Variants in DNAH9 observed in about 807,000 individuals in gnomAD.
DNAH9 encodes the protein DNAH9 variant protein.
A neutral mutation model predicts 471.6 loss-of-function variants in DNAH9; 345 were observed. The observed-to-expected ratio is 0.73, with a 90% CI of 0.67 to 0.80. The LOEUF (loss-of-function observed/expected upper bound fraction) is 0.80, where lower values mean the gene tolerates loss of function less well. Among genes scored for constraint, DNAH9 ranks in the 30% least tolerant of loss-of-function variants. The probability of loss-of-function intolerance (pLI) is 0.00; values close to 1 mark genes in which losing one functional copy is unlikely to be tolerated. For missense variants in DNAH9, 5,407 were observed against 5,609.2 expected (o/e 0.96, Z 1.15); for synonymous variants, 2,093 against 2,123.6 (o/e 0.99, Z 0.40).
chr17:11,725,144 C>T (rs2075130046), intron 27 of DNAH9, among the ~76,000 whole-genome samples: 2 of 152,158 alleles, frequency 1.3e-5, no homozygotes, highest in African/African-American at 2.4e-5. Context: ...GCTTTGCTTA[C>T]TCACCTGCTG....
chr17:11,786,396 G>C (rs1029048468), intron 41 of DNAH9, among the ~76,000 whole-genome samples: 1 of 152,126 alleles, frequency 6.6e-6, no homozygotes, highest in African/African-American at 2.4e-5. Context: ...CAGTGGGAAC[G>C]ACGAGTGATA....
chr17:11,932,037 G>C lies in DNAH9; in HGVS notation c.12129G>C (p.Arg4043=). ...AGGACACTCTGGAGATGTGTTCTCGGGAGACGGAGTTTAAGAGCATCCTCT... is the reference window on the plus strand; with the variant it reads ...AGGACACTCTGGAGATGTGTTCTCGCGAGACGGAGTTTAAGAGCATCCTCT... The part of the protein sequence containing the change: ...FTQDTLEMCS[R]ETEFKSILFA... The change falls in exon 64 of 69, where the codon CGG becomes CGC. Residue 4043 remains arginine (R), a synonymous_variant. Coordinates refer to ENST00000262442, the MANE Select transcript of DNAH9 (RefSeq NM_001372.4). The surrounding 1 kb of genome is among the most constrained non-coding windows in gnomAD (Gnocchi z 4.3). The C allele has an allele frequency of 6.2e-7, 1 of 1,614,156 alleles. No homozygotes were observed. Among genetic ancestry groups the C allele is most frequent in the Non-Finnish European group, 8.5e-7 (1 of 1,180,028 alleles).
At chr17:11,632,488 G>A in intron 7 of DNAH9, 99 bp from the exon 8 acceptor site, 1 of 678,376 alleles carries the variant, frequency 1.5e-6, no homozygotes, top group Admixed American at 2.2e-5. Context: ...TAATTCTTTG[G>A]TATAACCAGT....
chr17:11,874,972 C>G lies in DNAH9; in HGVS notation c.10266C>G (p.Ala3422=). 1 of 1,614,018 alleles carries G rather than the reference C, an allele frequency of 6.2e-7. No homozygotes were observed. Among genetic ancestry groups the G allele is most frequent in the Non-Finnish European group, 8.5e-7 (1 of 1,179,958 alleles). The stretch of plus-strand genomic sequence containing the variant: ...AGACTCCCATTCCAGTCACCCCAGC[C>G]CTGGATCCCCTGAGGATGCTGATGG... ...QLKTPIPVTP[A]LDPLRMLMDD... is the part of the protein sequence containing the mutation. Residue 3422 remains alanine, a synonymous_variant, in exon 53 of 69, where the codon GCC becomes GCG. Transcript: ENST00000262442.
chr17:11,891,878 G>A lies in DNAH9; in HGVS notation c.11214G>A (p.Val3738=), dbSNP rs779701419. 1.2e-5 allele frequency: 20 copies of A among 1,614,136 alleles called. No homozygotes were observed. Among genetic ancestry groups the A allele is most frequent in the Admixed American group, 1.7e-5 (1 of 60,024 alleles). ...TAATAGACAGCATAACCTTCTCTGT[G>A]TACCAGTACACCATCCGCGGGCTCT... is the stretch of plus-strand genomic sequence containing the variant. ...ANLIDSITFS[V]YQYTIRGLFE... Residue 3738 remains valine, a synonymous_variant, in exon 58 of 69, where the codon GTG becomes GTA. Coordinates refer to ENST00000262442, the MANE Select transcript of DNAH9 (RefSeq NM_001372.4).
In DNAH9 at chr17:11,651,080, G is replaced by A. The variant is rs1286501906; in HGVS notation, c.2109G>A (p.Val703=). ...CTTCTTTTCTCCAGCTGATTTCAGTGCTGAAAGAAATGAGCTATCTTGAAC... is the reference window on the plus strand; with the variant it reads ...CTTCTTTTCTCCAGCTGATTTCAGTACTGAAAGAAATGAGCTATCTTGAAC... ...TINFNPQLIS[V]LKEMSYLEPR... Residue 703 remains valine (V), a synonymous_variant, in exon 13 of 69, where the codon GTG becomes GTA. Transcript: ENST00000262442. The A allele has an allele frequency of 1.2e-6, 2 of 1,613,346 alleles. No homozygotes were observed. The highest frequency in any genetic ancestry group is 2.2e-5 in the South Asian group (2 of 91,002).
At chr17:11,816,526 C>A (rs1970102730) in intron 45 of DNAH9, among the ~76,000 whole-genome samples, 1 of 152,160 alleles carries the variant, frequency 6.6e-6, no homozygotes, top group Non-Finnish European at 1.5e-5. Flanking sequence ...AAATAGCCAC[C>A]ACACTCACTT....
chr17:11,693,642 A>T (rs536008238), intron 20 of DNAH9, among the ~76,000 whole-genome samples: 1 of 152,260 alleles, frequency 6.6e-6, no homozygotes, highest in South Asian at 2.1e-4. Context: ...GATATGATAG[A>T]TAGTACCTAC....
intron 23 of DNAH9, among the ~76,000 whole-genome samples, chr17:11,700,817 C>T (rs2074579744): frequency 1.3e-5 from 2 of 152,210 alleles, no homozygotes. Flanking sequence ...ACACCCAGCT[C>T]AACCCAGATT....
At chr17:11,601,175 A>G (rs1472050112) in intron 1 of DNAH9, among the ~76,000 whole-genome samples, 1 of 152,216 alleles carries the variant, frequency 6.6e-6, no homozygotes, top group Non-Finnish European at 1.5e-5. Context: ...GTATGTATAT[A>G]CCACATTTCT....
At chr17:11,837,150 A>G (rs1239429989) in intron 49 of DNAH9, among the ~76,000 whole-genome samples, 1 of 152,258 alleles carries the variant, frequency 6.6e-6, no homozygotes, top group Non-Finnish European at 1.5e-5. Context: ...CAAAATGAAC[A>G]TTTATAAATA....
rs138741660 is a variant in DNAH9, at chr17:11,891,825, G to A, written c.11161G>A (p.Glu3721Lys). The A allele has an allele frequency of 2.0e-5, 33 of 1,613,984 alleles. No homozygotes were observed. The African/African-American group carries it at 2.8e-4, about 14-fold the overall frequency. Residue 3721 changes from glutamate (E) to lysine (K), a missense_variant, in exon 58 of 69, where the codon GAA (glutamate) becomes AAA (lysine). Around this residue, in one of 3 missense-constraint regions of DNAH9, gnomAD observed 4,636 missense variants for 4,900.3 expected, o/e 0.95. Coordinates refer to ENST00000262442, the MANE Select transcript of DNAH9 (RefSeq NM_001372.4). ...GGCTGTGGAGAGGGCTGCTCCTGAC[G>A]AAAGCCTCAGGGAGCGGGTGGCCAA... is the stretch of plus-strand genomic sequence containing the variant. ...QKAVERAAPD[E>K]SLRERVANLI...
At chr17:11,871,892 C>T in intron 52 of DNAH9, 106 bp downstream of exon 52, 2 of 1,192,084 alleles carry the variant, frequency 1.7e-6, no homozygotes, top group Non-Finnish European at 2.4e-6. Flanking sequence ...CACACTCATC[C>T]CCACCACCCC....
At chr17:11,764,205 T>C (rs896032456) in intron 36 of DNAH9, among the ~76,000 whole-genome samples, 14 of 152,196 alleles carry the variant, frequency 9.2e-5, no homozygotes. Context: ...AGAAGGGATA[T>C]GTGGCTTGGA....
chr17:11,690,116 G>A lies in DNAH9; in HGVS notation c.4294G>A (p.Gly1432Ser). 6.2e-7 allele frequency: 1 copy of A among 1,614,186 alleles called. No homozygotes were observed. The highest frequency in any genetic ancestry group is 8.5e-7 in the Non-Finnish European group (1 of 1,180,036). Residue 1432 changes from glycine (G) to serine (S), a missense_variant, in exon 20 of 69, where the codon GGT (glycine) becomes AGT (serine). Gly to Ser is a moderately conservative substitution (Grantham distance 56). This residue lies in a region of DNAH9 where 4,636 missense variants were observed against 4,900.3 expected (regional missense o/e 0.95). Coordinates refer to ENST00000262442, the MANE Select transcript of DNAH9 (RefSeq NM_001372.4). ...GIVDKAAKEM[G>S]MEKTLKELQT... is the part of the protein sequence containing the mutation. Reference sequence around the variant, plus strand: ...TGTGGACAAAGCTGCAAAAGAGATGGGTATGGAGAAAACCTTAAAGGAGCT... The same window carrying A: ...TGTGGACAAAGCTGCAAAAGAGATGAGTATGGAGAAAACCTTAAAGGAGCT...
chr17:11,896,118 C>G (rs1238601631), intron 59 of DNAH9, among the ~76,000 whole-genome samples: 1 of 152,198 alleles, frequency 6.6e-6, no homozygotes, highest in Non-Finnish European at 1.5e-5. Flanking sequence ...CTTTGTGAGT[C>G]CTGTCTCTCT....
chr17:11,850,216 C>T lies in DNAH9; in HGVS notation c.9508-3787C>T, dbSNP rs190861199. Among the ~76,000 whole-genome samples the T allele has an allele frequency of 1.1e-3, 169 of 152,250 alleles. 1 individual carries two copies. Among genetic ancestry groups the T allele is most frequent in the African/African-American group, 3.9e-3 (160 of 41,542 alleles). On this transcript the variant is annotated intron_variant, in intron 49 of 68. Transcript: ENST00000262442. ...GTAGGCCTTCTTAGGAAGGAGACGT[C>T]TGAGAAAAACTTGGAGAAGAACAAA...
At chr17:11,779,349 A>C (rs1005341658) in intron 38 of DNAH9, among the ~76,000 whole-genome samples, 2 of 152,124 alleles carry the variant, frequency 1.3e-5, no homozygotes, top group Admixed American at 1.3e-4. Flanking sequence ...TTCTCCTCCA[A>C]TTCTACTTGG....
chr17:11,604,922 G>A (rs1486284702), intron 1 of DNAH9, among the ~76,000 whole-genome samples: 1 of 152,036 alleles, frequency 6.6e-6, no homozygotes, highest in Admixed American at 6.6e-5. Context: ...TACTCAAAAC[G>A]ATCTCAGCCT....
Sources: allele counts gnomAD v4.1 joint callset (sites outside exome capture counted in the v4.1 genomes callset), GRCh38; gene constraint gnomAD v4.1.1; regional missense constraint gnomAD v4.1.1; non-coding constraint Gnocchi (gnomAD v3.1); transcripts MANE v1.5; gene names NCBI Gene and HGNC (gene_info 2026-07-23, HGNC 2026-07-21).